CTNNA3: variants seen among roughly 807,000 people sequenced by gnomAD.
CTNNA3 encodes catenin alpha 3.
A neutral mutation model predicts 95.7 loss-of-function variants in CTNNA3; 76 were observed. The observed-to-expected ratio is 0.79, with a 90% CI of 0.66 to 0.96. The LOEUF is 0.96. Among genes scored for constraint, CTNNA3 ranks in the 40% least tolerant of loss-of-function variants. The probability of loss-of-function intolerance (pLI) is 0.00; values close to 1 mark genes in which losing one functional copy is unlikely to be tolerated. For missense variants in CTNNA3, 1,191 were observed against 1,089.8 expected (o/e 1.09, Z -1.31); for synonymous variants, 431 against 374.4 (o/e 1.15, Z -1.74).
At chr10:66,511,571 A>T (rs1374813004) in intron 11 of CTNNA3, among the ~76,000 whole-genome samples, 3 of 149,174 alleles carry the variant, frequency 2.0e-5, no homozygotes, top group Non-Finnish European at 4.5e-5. Context: ...TTCTGTTTTC[A>T]TTTCTTTCAA....
intron 4 of CTNNA3, among the ~76,000 whole-genome samples, chr10:67,532,344 G>A (rs1840353674): frequency 6.6e-6 from 1 of 152,150 alleles, no homozygotes; most frequent in Non-Finnish European, 1.5e-5. Flanking sequence ...CTTTTAAATA[G>A]AGGGTGGCCT....
At chr10:66,089,000 T>A (rs780938999) in intron 14 of CTNNA3, among the ~76,000 whole-genome samples, 19 of 152,056 alleles carry the variant, frequency 1.2e-4, no homozygotes, top group Non-Finnish European at 2.5e-4. Context: ...ATATAATTTG[T>A]GATTATTATC....
intron 11 of CTNNA3, among the ~76,000 whole-genome samples, chr10:66,436,971 T>C (rs566110524): frequency 1.3e-5 from 2 of 152,132 alleles, no homozygotes. Flanking sequence ...GGATAAAAAA[T>C]TTTGGGTTGA....
At chr10:67,713,852 A>T (rs1841127008) in intron 1 of CTNNA3, among the ~76,000 whole-genome samples, 1 of 152,122 alleles carries the variant, frequency 6.6e-6, no homozygotes, top group Non-Finnish European at 1.5e-5. Context: ...CTTAAAACCT[A>T]GATGACGGGT....
At chr10:67,700,134 G>A (rs1350182198), upstream of CTNNA3, among the ~76,000 whole-genome samples, 14 of 151,876 alleles carry the variant, frequency 9.2e-5, no homozygotes, top group African/African-American at 1.9e-4. Flanking sequence ...CTCGAAATGG[G>A]TGGAGCCCAC....
At chr10:66,355,814 T>C (rs528986066) in intron 12 of CTNNA3, among the ~76,000 whole-genome samples, 6 of 152,032 alleles carry the variant, frequency 3.9e-5, no homozygotes, top group Non-Finnish European at 7.4e-5. Flanking sequence ...CTATGTTTTC[T>C]TTTAAGAGTT....
intron 3 of CTNNA3, among the ~76,000 whole-genome samples, chr10:67,593,766 A>G (rs1354904013): frequency 2.0e-5 from 3 of 151,962 alleles, no homozygotes; most frequent in African/African-American, 7.3e-5. Context: ...CTCTTGACTG[A>G]TTGTTCTGGC....
chr10:67,466,189 T>G (rs544327853), intron 5 of CTNNA3, among the ~76,000 whole-genome samples: 1 of 152,358 alleles, frequency 6.6e-6, no homozygotes, highest in Non-Finnish European at 1.5e-5. Context: ...AATGCTATTT[T>G]TTCTAATTAT....
At chr10:67,638,918 A>T (rs1234229916) in intron 2 of CTNNA3, among the ~76,000 whole-genome samples, 1 of 152,192 alleles carries the variant, frequency 6.6e-6, no homozygotes, top group Non-Finnish European at 1.5e-5. Flanking sequence ...AAAGATCTAA[A>T]ATTGACACCC....
chr10:67,719,927 G>A (rs985173582), intron 1 of CTNNA3, among the ~76,000 whole-genome samples: 7 of 151,690 alleles, frequency 4.6e-5, no homozygotes, highest in Non-Finnish European at 8.8e-5. Flanking sequence ...ATTATTGTGT[G>A]GAAATCTAAG....
intron 13 of CTNNA3, among the ~76,000 whole-genome samples, chr10:66,159,527 T>C (rs1480360427): frequency 1.3e-5 from 2 of 152,034 alleles, no homozygotes; most frequent in Non-Finnish European, 2.9e-5. Context: ...TGGTAGATTA[T>C]CTTTTTGATA....
rs906226399 is a variant in CTNNA3, at chr10:66,391,586, T to TA, written c.1532-12235dup. Among the ~76,000 whole-genome samples the TA allele has an allele frequency of 9.2e-5, 14 of 151,624 alleles. No individual in the cohort carries two copies. The South Asian group carries it at 2.1e-3, about 23-fold the overall frequency. On this transcript the variant is annotated intron_variant, in intron 11 of 17. Transcript: ENST00000433211. ...AAACTCTGTAAGAGTTAATGCTCTTTAAAAAAAAATTTGATGACCATGTAA... is the reference window on the plus strand; with the variant it reads ...AAACTCTGTAAGAGTTAATGCTCTTTAAAAAAAAAATTTGATGACCATGTAA...
At chr10:66,409,206 G>A (rs1300564787) in intron 11 of CTNNA3, among the ~76,000 whole-genome samples, 1 of 152,086 alleles carries the variant, frequency 6.6e-6, no homozygotes, top group Admixed American at 6.6e-5. Flanking sequence ...TGGTTAATGA[G>A]GGTGGGTTCA....
Position 65,973,713 on chromosome 10 carries a change from A to G in CTNNA3, c.2266-6967T>C, listed in dbSNP as rs149230739. 2.2e-4 allele frequency among the ~76,000 whole-genome samples: 33 copies of G among 152,228 alleles called. No individual in the cohort carries two copies. The East Asian group carries it at 6.0e-3, about 28-fold the overall frequency. The stretch of plus-strand genomic sequence containing the variant: ...ACTCACAGTAGGAGATGAAGTGGGA[A>G]CAGGTGCACGACGTGGGGAGAACAG... On this transcript the variant is annotated intron_variant, in intron 16 of 17. Transcript: ENST00000433211.
chr10:67,628,964 T>C (rs1353845017), intron 2 of CTNNA3, among the ~76,000 whole-genome samples: 1 of 151,940 alleles, frequency 6.6e-6, no homozygotes, highest in Non-Finnish European at 1.5e-5. Context: ...ACTCTGAAAC[T>C]GTATAAGTGA....
At chr10:66,287,384 A>C (rs2091606611) in intron 12 of CTNNA3, among the ~76,000 whole-genome samples, 2 of 152,074 alleles carry the variant, frequency 1.3e-5, no homozygotes, top group Non-Finnish European at 2.9e-5. Flanking sequence ...TCCTGACAGA[A>C]AGCTCTCAAA....
intron 13 of CTNNA3, among the ~76,000 whole-genome samples, chr10:66,131,147 G>C (rs1482410783): frequency 2.0e-5 from 3 of 150,962 alleles, no homozygotes; most frequent in Non-Finnish European, 2.9e-5. Context: ...ACACAAAGAA[G>C]AGCTGGTGCC....
intron 5 of CTNNA3, among the ~76,000 whole-genome samples, chr10:67,353,611 T>C (rs1227727422): frequency 2.0e-5 from 3 of 151,950 alleles, no homozygotes; most frequent in African/African-American, 4.8e-5. Flanking sequence ...AAACAAGATA[T>C]ATACATTAAA....
chr10:67,114,393 T>C (rs1221467663), intron 7 of CTNNA3, among the ~76,000 whole-genome samples: 1 of 152,010 alleles, frequency 6.6e-6, no homozygotes, highest in Non-Finnish European at 1.5e-5. Flanking sequence ...CTTAACAGAG[T>C]GAAATTAATT....
Sources: gnomAD v4.1 joint callset for allele counts (sites outside exome capture counted in the v4.1 genomes callset) on GRCh38, gnomAD v4.1.1 for gene constraint, MANE v1.5 for transcripts, NCBI Gene and HGNC (gene_info 2026-07-23, HGNC 2026-07-21) for gene names.